Variants in BAZ2B observed in about 807,000 individuals in gnomAD.
BAZ2B encodes bromodomain adjacent to zinc finger domain protein 2B.
BAZ2B carries 91 observed loss-of-function variants against 246.0 expected under a neutral mutation model. The observed-to-expected ratio is 0.37, with a 90% CI of 0.31 to 0.44. The LOEUF (loss-of-function observed/expected upper bound fraction) is 0.44, where lower values mean the gene tolerates loss of function less well. Among genes scored for constraint, BAZ2B ranks in the 20% least tolerant of loss-of-function variants. The probability of loss-of-function intolerance (pLI) is 1.00; values close to 1 mark genes in which losing one functional copy is unlikely to be tolerated. For missense variants in BAZ2B, 2,332 were observed against 2,533.7 expected, an observed-to-expected ratio of 0.92 and a Z score of 1.71; for synonymous variants, 855 against 860.0, an observed-to-expected ratio of 0.99 and a Z score of 0.10.
intron 3 of BAZ2B, among the ~76,000 whole-genome samples, chr2:159,475,967 G>A (rs2078491044): frequency 6.6e-6 from 1 of 152,114 alleles, no homozygotes; most frequent in African/African-American, 2.4e-5. Context: ...TCCTGCTTGA[G>A]GTGTCTGTCA....
At chr2:159,405,295 T>G (rs2065746908) in intron 14 of BAZ2B, among the ~76,000 whole-genome samples, 181 bp from the exon 15 acceptor site, 1 of 152,156 alleles carries the variant, frequency 6.6e-6, no homozygotes, top group Non-Finnish European at 1.5e-5. Context: ...CACTGCAATC[T>G]CCGCCTCCCA....
chr2:159,386,324 A>G (rs2062653669), intron 22 of BAZ2B, 29 bp downstream of exon 22: 1 of 1,577,554 alleles, frequency 6.3e-7, no homozygotes, highest in African/African-American at 1.4e-5. Context: ...GTACAAATTT[A>G]AAACATTTTA....
At chr2:159,477,999 T>C (rs891224482) in intron 3 of BAZ2B, among the ~76,000 whole-genome samples, 2 of 152,134 alleles carry the variant, frequency 1.3e-5, no homozygotes, top group African/African-American at 4.8e-5. Context: ...ATTTTGTATT[T>C]TTAGTAGAGA....
At chr2:159,496,838 G>T (rs1248675654) in intron 2 of BAZ2B, among the ~76,000 whole-genome samples, 1 of 134,212 alleles carries the variant, frequency 7.5e-6, no homozygotes, top group Non-Finnish European at 1.6e-5. Flanking sequence ...TTAAAGAAGA[G>T]AATTTTGAGA....
chr2:159,683,820 T>C, the BAZ2B span, among the ~76,000 whole-genome samples: 1 of 152,244 alleles, frequency 6.6e-6, no homozygotes, highest in Non-Finnish European at 1.5e-5. Flanking sequence ...GTGATTAAAT[T>C]TAGAGCTTAC....
chr2:159,383,609 C>T lies in BAZ2B; in HGVS notation c.3758G>A (p.Arg1253His), dbSNP rs1174653518. Residue 1253 changes from arginine to histidine, a missense_variant, in exon 24 of 37, where the codon CGC becomes CAC. Coordinates refer to ENST00000392783, the MANE Select transcript of BAZ2B (RefSeq NM_013450.4). ...RDKWVVEGKL[R>H]KLRIIHAKKT... The stretch of plus-strand genomic sequence containing the variant: ...ACTTTAATAAAACAGGACTTACTTG[C>T]GGAGTTTACCTTCTACCACCCATTT... 9.9e-6 allele frequency: 16 copies of T among 1,609,260 alleles called. No individual in the cohort carries two copies. The highest frequency in any genetic ancestry group is 1.3e-5 in the African/African-American group (1 of 74,844).
intron 8 of BAZ2B, chr2:159,433,759 A>G (rs1192428381): frequency 6.1e-6 from 1 of 164,578 alleles, no homozygotes. Context: ...TCCCAGCCAG[A>G]AGCATTCTTT....
chr2:159,404,874 T>G lies in BAZ2B; in HGVS notation c.2807A>C (p.Glu936Ala). 2.5e-6 allele frequency: 4 copies of G among 1,613,328 alleles called. No individual in the cohort carries two copies. Among genetic ancestry groups the G allele is most frequent in the Non-Finnish European group, 3.4e-6 (4 of 1,179,930 alleles). ...CTGCTGTTTCATAATCTTTATCTGT[T>G]CTTTTTGCTTCCGCTTCTCCTCAGC... ...MAAEEKRKQK[E>A]QIKIMKQQEK... is the part of the protein sequence containing the mutation. The change falls in exon 16 of 37, where the codon GAA becomes GCA. Residue 936 changes from glutamate (E) to alanine (A), a missense_variant. Physicochemically the swap from Glu to Ala is moderately radical, Grantham distance 107. Transcript: ENST00000392783.
At position 159,446,949 on chromosome 2, in the gene BAZ2B, T is replaced by C. The variant is rs1316709118; in HGVS notation, c.529A>G (p.Asn177Asp). ...TTGATACCAATTACAGATGATGTAT[T>C]ACTTCCATTTATTGACCCATTTACA... ...KGVNGSINGS[N>D]TSSVIGINTS... Residue 177 changes from asparagine (N) to aspartate (D), a missense_variant, in exon 6 of 37, where the codon AAT becomes GAT. Around this residue, in one of 9 missense-constraint regions of BAZ2B, gnomAD observed 242 missense variants for 237.4 expected, o/e 1.02. Transcript: ENST00000392783. 1 of 1,585,966 alleles carries C rather than the reference T, an allele frequency of 6.3e-7. No homozygotes were observed. Among genetic ancestry groups the C allele is most frequent in the Non-Finnish European group, 8.6e-7 (1 of 1,168,524 alleles).
At chr2:159,622,274 A>G in the BAZ2B span, among the ~76,000 whole-genome samples, 1 of 121,528 alleles carries the variant, frequency 8.2e-6, no homozygotes. Context: ...AAAAAAAAAA[A>G]AAAAAAAAAG....
At chr2:159,641,275 G>A in the BAZ2B span, among the ~76,000 whole-genome samples, 4 of 152,290 alleles carry the variant, frequency 2.6e-5, no homozygotes, top group African/African-American at 9.6e-5. Flanking sequence ...ACTGGTGTTA[G>A]TATCTCATTG....
At chr2:159,527,904 A>G (rs1459392610) in intron 2 of BAZ2B, among the ~76,000 whole-genome samples, 1 of 152,182 alleles carries the variant, frequency 6.6e-6, no homozygotes, top group African/African-American at 2.4e-5. Flanking sequence ...TAAACTTGGA[A>G]GCCTTCTCAC....
At position 159,421,102 on chromosome 2, in the gene BAZ2B, T is replaced by A. The variant is rs1249177254; in HGVS notation, c.2466+6839A>T. 3.3e-5 allele frequency among the ~76,000 whole-genome samples: 5 copies of A among 152,250 alleles called. No individual in the cohort carries two copies. In the East Asian group the frequency reaches 9.7e-4, roughly 29 times the overall value. On this transcript the variant is annotated intron_variant, in intron 13 of 36. Coordinates refer to ENST00000392783, the MANE Select transcript of BAZ2B (RefSeq NM_013450.4). ...CCGATGCTACAAATTCCTCACTACA[T>A]CTGTGGACCAAAATAAATAAAACTG...
chr2:159,414,178 G>C (rs1291347929), intron 13 of BAZ2B, among the ~76,000 whole-genome samples: 1 of 152,282 alleles, frequency 6.6e-6, no homozygotes, highest in South Asian at 2.1e-4. Context: ...GGTAAGTTTT[G>C]CATGTTCTCA....
intron 19 of BAZ2B, chr2:159,396,651 A>G (rs1252296545): frequency 1.3e-5 from 2 of 152,212 alleles, no homozygotes; most frequent in Non-Finnish European, 2.9e-5. Context: ...CCAAAGGGAT[A>G]TTTCTAAAAT....
intron 9 of BAZ2B, among the ~76,000 whole-genome samples, chr2:159,431,600 T>G (rs2071126120): frequency 2.6e-5 from 4 of 152,178 alleles, no homozygotes; most frequent in Admixed American, 2.6e-4. Context: ...GAAGACAATT[T>G]TCAACAGGAG....
chr2:159,654,840 C>G, the BAZ2B span, among the ~76,000 whole-genome samples: 1 of 152,040 alleles, frequency 6.6e-6, no homozygotes, highest in Non-Finnish European at 1.5e-5. Flanking sequence ...GTGATGCATG[C>G]CTGTAACTTG....
intron 27 of BAZ2B, among the ~76,000 whole-genome samples, chr2:159,355,164 A>G (rs2058968005): frequency 6.6e-6 from 1 of 152,180 alleles, no homozygotes; most frequent in Non-Finnish European, 1.5e-5. Context: ...AAAAAGCAAG[A>G]AATGTAAATA....
the BAZ2B span, among the ~76,000 whole-genome samples, chr2:159,698,399 T>C: frequency 6.6e-6 from 1 of 151,316 alleles, no homozygotes; most frequent in Non-Finnish European, 1.5e-5. Context: ...CGTGCACCTA[T>C]GGTCCCAGCT....
Sources: gnomAD v4.1 joint callset for allele counts (sites outside exome capture counted in the v4.1 genomes callset) on GRCh38, gnomAD v4.1.1 for gene constraint, gnomAD v4.1.1 regional missense constraint, MANE v1.5 for transcripts, NCBI Gene and HGNC (gene_info 2026-07-23, HGNC 2026-07-21) for gene names.